IL1RAPL2: variants seen among roughly 807,000 people sequenced by gnomAD.
IL1RAPL2 encodes X-linked interleukin-1 receptor accessory protein-like 2.
IL1RAPL2 carries 3 observed loss-of-function variants against 44.1 expected under a neutral mutation model. That is an observed-to-expected ratio of 0.07 (90% CI 0.03 to 0.18). The LOEUF (loss-of-function observed/expected upper bound fraction) is 0.18. IL1RAPL2 is among the 10% of genes least tolerant of loss of function. The pLI is 1.00. For missense variants in IL1RAPL2, 391 were observed against 496.4 expected (o/e 0.79, Z 2.02); for synonymous variants, 181 against 178.8 (o/e 1.01, Z -0.10).
chrX:104,907,571 A>G (rs1924059287), intron 2 of IL1RAPL2, among the ~76,000 whole-genome samples: 5 of 112,022 alleles, frequency 4.5e-5, no homozygotes, highest in Admixed American at 3.8e-4. Flanking sequence ...CCCAGTCGTC[A>G]TTCAGGAGCA....
chrX:105,169,757 C>T (rs1285902243), intron 2 of IL1RAPL2, among the ~76,000 whole-genome samples: 6 of 108,679 alleles, frequency 5.5e-5, no homozygotes, highest in African/African-American at 1.3e-4. Context: ...CTTGAACTTG[C>T]GACCTCAGAT....
chrX:104,844,277 C>A (rs1921986062), intron 2 of IL1RAPL2, among the ~76,000 whole-genome samples: 1 of 111,407 alleles, frequency 9.0e-6, no homozygotes, highest in Non-Finnish European at 1.9e-5. Context: ...TAGTACCAAG[C>A]AGCAACCTAG....
At chrX:105,635,233 T>C (rs776423637) in intron 6 of IL1RAPL2, among the ~76,000 whole-genome samples, 1 of 111,707 alleles carries the variant, frequency 9.0e-6, no homozygotes, top group Non-Finnish European at 1.9e-5. Flanking sequence ...GGAAAGACGA[T>C]GAGCATGGCT....
intron 2 of IL1RAPL2, among the ~76,000 whole-genome samples, chrX:105,174,041 C>T (rs1227526900): frequency 9.0e-6 from 1 of 111,437 alleles, no homozygotes; most frequent in East Asian, 2.8e-4. Context: ...CCTCTAACTG[C>T]TTCTTAAGCA....
At chrX:105,407,767 A>G (rs1268002265) in intron 5 of IL1RAPL2, among the ~76,000 whole-genome samples, 1 of 112,032 alleles carries the variant, frequency 8.9e-6, no homozygotes, top group African/African-American at 3.2e-5. Flanking sequence ...CGGATGGAGG[A>G]ATAACTTACC....
chrX:104,652,312 CCT>C (rs1930167704), intron 1 of IL1RAPL2, among the ~76,000 whole-genome samples: 1 of 111,494 alleles, frequency 9.0e-6, no homozygotes, highest in South Asian at 3.8e-4. Flanking sequence ...AAATATGGTA[CCT>C]CTCAGATCTG....
chrX:105,180,876 T>G (rs1367107262), intron 2 of IL1RAPL2, among the ~76,000 whole-genome samples: 1 of 110,464 alleles, frequency 9.1e-6, no homozygotes, highest in African/African-American at 3.3e-5. Flanking sequence ...CCATCCTCTT[T>G]GGTTTTCTTG....
chrX:105,285,435 TCTACTTGCTGGGAATTCTAG>T (rs1314315248), intron 5 of IL1RAPL2, among the ~76,000 whole-genome samples: 3 of 112,307 alleles, frequency 2.7e-5, no homozygotes, highest in Non-Finnish European at 3.8e-5. Flanking sequence ...TTAATTAATT[TCTACTTGCTGGGAATTCTAG>T]CTACACAGAC....
chrX:105,684,769 C>A lies in IL1RAPL2; in HGVS notation c.773-32598C>A, dbSNP rs749525616. Among the ~76,000 whole-genome samples the A allele has an allele frequency of 3.5e-3, 370 of 106,051 alleles. 1 individual carries two copies. The highest frequency in any genetic ancestry group is 0.012 in the African/African-American group (355 of 29,038). 92.1% of individuals were successfully genotyped at this position (106,051 alleles called of 115,157 possible). On this transcript the variant is annotated intron_variant, in intron 6 of 10. Transcript: ENST00000372582. ...CCACGAGTAGCCTAACTGGGAGACA[C>A]CTCCCAGTAGGGGCTGACAGACACC...
At chrX:105,102,654 T>C (rs115292468) in intron 2 of IL1RAPL2, among the ~76,000 whole-genome samples, 5,429 of 111,523 alleles carry the variant, frequency 0.049, 313 homozygotes, top group African/African-American at 0.17. Context: ...TACACATGTG[T>C]GTATATATGT....
At chrX:105,445,640 T>G (rs1050902825) in intron 5 of IL1RAPL2, among the ~76,000 whole-genome samples, 9 of 111,802 alleles carry the variant, frequency 8.0e-5, no homozygotes, top group African/African-American at 2.6e-4. Context: ...AATTTCTTCA[T>G]TGACCCTCTG....
intron 4 of IL1RAPL2, among the ~76,000 whole-genome samples, chrX:105,261,421 C>A (rs2034358472): frequency 8.9e-6 from 1 of 112,076 alleles, no homozygotes; most frequent in South Asian, 3.7e-4. Flanking sequence ...AGTCAGCCAT[C>A]CTGGCCACTT....
At chrX:105,247,165 A>G (rs2034226547) in intron 4 of IL1RAPL2, among the ~76,000 whole-genome samples, 1 of 111,465 alleles carries the variant, frequency 9.0e-6, no homozygotes, top group Admixed American at 9.6e-5. Context: ...TCTGTTAGCA[A>G]AAGGAGGTGA....
At chrX:104,650,042 G>A (rs1181382722) in intron 1 of IL1RAPL2, among the ~76,000 whole-genome samples, 2 of 111,289 alleles carry the variant, frequency 1.8e-5, no homozygotes, top group African/African-American at 6.5e-5. Flanking sequence ...GAATACTAAT[G>A]CCTTCATTAG....
intron 5 of IL1RAPL2, among the ~76,000 whole-genome samples, chrX:105,475,385 A>T (rs1473688275): frequency 5.4e-5 from 6 of 111,067 alleles, no homozygotes; most frequent in Non-Finnish European, 1.1e-4. Context: ...TATCTAGGCC[A>T]AATTTCTAGA....
intron 5 of IL1RAPL2, among the ~76,000 whole-genome samples, chrX:105,393,516 CT>C (rs1399439503): frequency 3.6e-5 from 4 of 111,013 alleles, no homozygotes; most frequent in Admixed American, 1.9e-4. Flanking sequence ...AACCTGTGGC[CT>C]TTTGTTAGTT....
At chrX:105,109,494 G>A (rs2032780129) in intron 2 of IL1RAPL2, among the ~76,000 whole-genome samples, 1 of 111,435 alleles carries the variant, frequency 9.0e-6, no homozygotes, top group African/African-American at 3.3e-5. Context: ...AAAGAAGTGA[G>A]TCACCAAAGA....
intron 4 of IL1RAPL2, among the ~76,000 whole-genome samples, chrX:105,251,447 A>T (rs945738182): frequency 9.0e-6 from 1 of 111,013 alleles, no homozygotes; most frequent in African/African-American, 3.3e-5. Context: ...AGACATATTT[A>T]TCCAGAAGGA....
At chrX:104,917,961 A>AT (rs1924511357) in intron 2 of IL1RAPL2, among the ~76,000 whole-genome samples, 1 of 111,468 alleles carries the variant, frequency 9.0e-6, no homozygotes, top group Non-Finnish European at 1.9e-5. Context: ...GTGACTTGTG[A>AT]TTTTACTTTA....
Sources: gnomAD v4.1 joint callset for allele counts (sites outside exome capture counted in the v4.1 genomes callset) on GRCh38, gnomAD v4.1.1 for gene constraint, MANE v1.5 for transcripts, NCBI Gene and HGNC (gene_info 2026-07-23, HGNC 2026-07-21) for gene names.